Variants in HYAL4 observed in about 807,000 individuals in gnomAD.
HYAL4 encodes hyaluronidase 4.
A neutral mutation model predicts 35.2 loss-of-function variants in HYAL4; 37 were observed. The observed-to-expected ratio is 1.05, with a 90% CI of 0.81 to 1.38. The LOEUF is 1.38. Among genes scored for constraint, HYAL4 ranks in the 40% most tolerant of loss-of-function variants. The pLI is 0.00. For missense variants in HYAL4, 572 were observed against 572.4 expected (o/e 1.00, Z 0.01); for synonymous variants, 198 against 203.2 (o/e 0.97, Z 0.22).
At chr7:123,826,351 A>G (rs1805802874), upstream of HYAL4, among the ~76,000 whole-genome samples, 1 of 152,074 alleles carries the variant, frequency 6.6e-6, no homozygotes, top group African/African-American at 2.4e-5. Context: ...AAAAGCGTAA[A>G]TGGAAAGCAA....
chr7:123,820,001 G>A, the HYAL4 span, among the ~76,000 whole-genome samples: 1 of 149,960 alleles, frequency 6.7e-6, no homozygotes, highest in East Asian at 2.0e-4. Flanking sequence ...AGTGATTCTC[G>A]TGACTCAGCC....
At position 123,868,722 on chromosome 7, in the gene HYAL4, G is replaced by A. The variant is rs370272460; in HGVS notation, c.449G>A (p.Arg150Gln). ...GLAVIDWEYW[R>Q]PQWARNWNSK... ...GCTGTTATAGATTGGGAATATTGGC[G>A]ACCACAGTGGGCCCGGAACTGGAAC... Residue 150 changes from arginine to glutamine, a missense_variant, in exon 3 of 5, where the codon CGA becomes CAA. Transcript: ENST00000223026. 45 of 1,613,632 alleles carry A rather than the reference G, an allele frequency of 2.8e-5. No individual in the cohort carries two copies. The highest frequency in any genetic ancestry group is 2.0e-4 in the African/African-American group (15 of 74,872).
chr7:123,789,730 T>C, the HYAL4 span, among the ~76,000 whole-genome samples: 5 of 152,164 alleles, frequency 3.3e-5, no homozygotes, highest in Non-Finnish European at 7.3e-5. Flanking sequence ...AGAGTTCTCC[T>C]GAGAAATAGA....
the HYAL4 span, among the ~76,000 whole-genome samples, chr7:123,776,911 CCAAGGTT>C: frequency 6.6e-6 from 1 of 152,128 alleles, no homozygotes; most frequent in Admixed American, 6.5e-5. Flanking sequence ...GGCTTCTCAG[CCAAGGTT>C]GGTGAAAGGA....
chr7:123,862,517 G>C (rs1433381708), intron 2 of HYAL4, among the ~76,000 whole-genome samples: 1 of 152,210 alleles, frequency 6.6e-6, no homozygotes, highest in Non-Finnish European at 1.5e-5. Context: ...TAATCGTAAA[G>C]ATCAGTGTGG....
In HYAL4 at chr7:123,877,240, T is replaced by C. The variant is rs111528036; in HGVS notation, c.*85T>C. 15 of 1,262,208 alleles carry C rather than the reference T, an allele frequency of 1.2e-5. No homozygotes were observed. Among genetic ancestry groups the C allele is most frequent in the Admixed American group, 6.9e-5 (3 of 43,224 alleles). The allele number at this position is 1,262,208 out of a possible 1,614,324, so 78.2% of individuals were successfully genotyped here. The stretch of plus-strand genomic sequence containing the variant: ...AACTTATAACATTTTTTTTCTCTTA[T>C]GAATTCTATTGAGAGATATTATAAG... On this transcript the variant is annotated 3_prime_UTR_variant, in exon 5 of 5. Transcript: ENST00000223026.
chr7:123,869,201 G>C lies in HYAL4; in HGVS notation c.928G>C (p.Asp310His), dbSNP rs1322701066. Residue 310 changes from aspartate (D) to histidine (H), a missense_variant, in exon 3 of 5, where the codon GAT becomes CAT. By Grantham distance (81) the Asp-to-His change is moderately conservative. Transcript: ENST00000223026. ...TGTCTACACAAGGCTAGGGTACAGA[G>C]ATGAACCTTTATTTTTCCTTTCTAA... ...VFVYTRLGYRDEPLFFLSKQD... is the reference protein window; with the variant it reads ...VFVYTRLGYRHEPLFFLSKQD... 5.0e-6 allele frequency: 8 copies of C among 1,603,394 alleles called. No individual in the cohort carries two copies. Among genetic ancestry groups the C allele is most frequent in the Non-Finnish European group, 6.8e-6 (8 of 1,174,558 alleles).
the HYAL4 span, among the ~76,000 whole-genome samples, chr7:123,763,819 G>C: frequency 1.3e-5 from 2 of 152,198 alleles, no homozygotes; most frequent in African/African-American, 4.8e-5. Flanking sequence ...TCCTCTGGTA[G>C]CTGCTCCTCC....
the HYAL4 span, among the ~76,000 whole-genome samples, chr7:123,765,924 A>G: frequency 6.6e-6 from 1 of 152,228 alleles, no homozygotes; most frequent in East Asian, 1.9e-4. Flanking sequence ...CTCATGTGAG[A>G]TTAGGTTTCA....
Position 123,868,347 on chromosome 7 carries a change from T to A in HYAL4, c.74T>A (p.Ile25Lys). The stretch of plus-strand genomic sequence containing the variant: ...GTACATCTCACTTCATGGCTCCTTA[T>A]ATTTTTTATTCTAAAGTCTATCTCT... ...QPVHLTSWLL[I>K]FFILKSISCL... is the part of the protein sequence containing the mutation. Residue 25 changes from isoleucine (I) to lysine (K), a missense_variant, in exon 3 of 5, where the codon ATA (isoleucine) becomes AAA (lysine). Physicochemically the swap from Ile to Lys is moderately radical, Grantham distance 102. Coordinates refer to ENST00000223026, the MANE Select transcript of HYAL4 (RefSeq NM_012269.3). 1 of 1,602,278 alleles carries A rather than the reference T, an allele frequency of 6.2e-7. No individual in the cohort carries two copies. The highest frequency in any genetic ancestry group is 1.1e-5 in the South Asian group (1 of 88,032).
chr7:123,877,148 A>C lies in HYAL4; in HGVS notation c.1439A>C (p.Gln480Pro). Residue 480 changes from glutamine to proline, a missense_variant, in exon 5 of 5, where the codon CAG becomes CCG. Transcript: ENST00000223026. ...CTTTTAGCAAGTTATCGAAGCATTC[A>C]GTTGTGAGATAATTGAGTTTAAAGG... ...LLLLASYRSI[Q>P]L 1 of 1,612,012 alleles carries C rather than the reference A, an allele frequency of 6.2e-7. No individual in the cohort carries two copies. The highest frequency in any genetic ancestry group is 1.3e-5 in the African/African-American group (1 of 74,928).
In HYAL4 at chr7:123,868,567, T is replaced by C; in HGVS notation, c.294T>C (p.Tyr98=). The change falls in exon 3 of 5, where the codon TAT becomes TAC. Residue 98 remains tyrosine, a synonymous_variant. Coordinates refer to ENST00000223026, the MANE Select transcript of HYAL4 (RefSeq NM_012269.3). ...TIFYVNRLGY[Y]PWYTSQGVPI... ...TTTATGTCAACAGATTGGGATACTA[T>C]CCGTGGTATACATCACAAGGGGTCC... 1.9e-6 allele frequency: 3 copies of C among 1,614,038 alleles called. No homozygotes were observed. Among genetic ancestry groups the C allele is most frequent in the Non-Finnish European group, 2.5e-6 (3 of 1,179,990 alleles).
At chr7:123,784,904 T>G in the HYAL4 span, among the ~76,000 whole-genome samples, 214 of 152,228 alleles carry the variant, frequency 1.4e-3, 2 homozygotes, top group Non-Finnish European at 2.4e-3. Context: ...CTGTGTGACC[T>G]CTAGAACTAG....
chr7:123,839,739 T>C (rs886757601), intron 1 of HYAL4, among the ~76,000 whole-genome samples: 18 of 152,240 alleles, frequency 1.2e-4, no homozygotes, highest in Non-Finnish European at 2.2e-4. Context: ...TGACCAGTGA[T>C]GATGAGAACT....
intron 1 of HYAL4, among the ~76,000 whole-genome samples, chr7:123,846,964 T>C (rs1806187484): frequency 6.6e-6 from 1 of 152,168 alleles, no homozygotes; most frequent in Admixed American, 6.5e-5. Flanking sequence ...CATTTCCCAC[T>C]TCCACAGCTT....
chr7:123,767,534 C>A, the HYAL4 span, among the ~76,000 whole-genome samples: 2 of 152,178 alleles, frequency 1.3e-5, no homozygotes, highest in African/African-American at 4.8e-5. Flanking sequence ...ATATCACCAA[C>A]AAGCTTAGCA....
chr7:123,796,361 G>GT, the HYAL4 span, among the ~76,000 whole-genome samples: 16 of 152,280 alleles, frequency 1.1e-4, no homozygotes, highest in South Asian at 1.7e-3. Context: ...TGTTTTTAAA[G>GT]AAACATTTAC....
At chr7:123,835,227 A>AT (rs147069681) in intron 1 of HYAL4, among the ~76,000 whole-genome samples, 3 of 150,748 alleles carry the variant, frequency 2.0e-5, no homozygotes, top group Admixed American at 6.6e-5. Flanking sequence ...TTCATTGGTA[A>AT]TTTTTTTTTG....
chr7:123,782,979 T>C, the HYAL4 span, among the ~76,000 whole-genome samples: 1 of 151,924 alleles, frequency 6.6e-6, no homozygotes, highest in Non-Finnish European at 1.5e-5. Context: ...AACAATTTTT[T>C]ATCATTATGT....
Sources: gnomAD v4.1 joint callset for allele counts (sites outside exome capture counted in the v4.1 genomes callset) on GRCh38, gnomAD v4.1.1 for gene constraint, MANE v1.5 for transcripts, NCBI Gene and HGNC (gene_info 2026-07-23, HGNC 2026-07-21) for gene names.